The following IQANK1 variants were observed in gnomAD, a reference collection of about 807,000 sequenced individuals.
The protein encoded by IQANK1 is IQ motif and ankyrin repeat containing 1.
Under a neutral mutation model 22.6 loss-of-function variants are expected in IQANK1, and 30 were observed. The observed-to-expected ratio is 1.33, with a 90% CI of 0.99 to 1.80. IQANK1 has a LOEUF of 1.80. IQANK1 is among the 40% of genes most tolerant of loss of function. The pLI, the probability that IQANK1 is intolerant of heterozygous loss-of-function variation, is 0.00. For synonymous variants in IQANK1, 122 were observed against 99.6 expected (o/e 1.23, Z -1.34); for missense variants, 275 against 235.2 (o/e 1.17, Z -1.11).
In IQANK1 at chr8:143,758,043, G is replaced by C. The variant is rs1206798813; in HGVS notation, c.176-13445G>C. ...CAAGACAATAAAGATCTCTGGATTA[G>C]ATTACCTCAGAGAGTGGTAGCACTG... On this transcript the variant is annotated intron_variant, in intron 3 of 13. Coordinates refer to ENST00000527139, the MANE Select transcript of IQANK1 (RefSeq NM_001381874.1). This position sits in a 1 kb window ranked among gnomAD's most constrained non-coding sequence, Gnocchi z 4.2. The C allele has an allele frequency of 1.3e-5, 2 of 152,218 alleles. No homozygotes were observed. Among genetic ancestry groups the C allele is most frequent in the Non-Finnish European group, 2.9e-5 (2 of 68,046 alleles). 9.4% of individuals were successfully genotyped at this position (152,218 alleles called of 1,614,324 possible).
chr8:143,780,513 T>C (rs1381052123), intron 7 of IQANK1, among the ~76,000 whole-genome samples: 3 of 152,090 alleles, frequency 2.0e-5, no homozygotes, highest in Non-Finnish European at 2.9e-5. Flanking sequence ...ATCTGTTGTT[T>C]CCTTCTTTGT....
At chr8:143,744,078 C>T (rs1818980728) in intron 3 of IQANK1, 1 of 241,512 alleles carries the variant, frequency 4.1e-6, no homozygotes, top group South Asian at 4.1e-5. Context: ...GTGATCCGCC[C>T]GTCTCAGCCT....
In IQANK1 at chr8:143,747,368, ATC is replaced by A. The variant is rs1221913498; in HGVS notation, c.175+7424_175+7425del. ...TGTTTTTATATTCTCTATTTTGTCT[ATC>A]TCTAATCTTTATTATTTCCTTCCTT... On this transcript the variant is annotated intron_variant, in intron 3 of 13. Coordinates refer to ENST00000527139, the MANE Select transcript of IQANK1 (RefSeq NM_001381874.1). Among the ~76,000 whole-genome samples, 8 of 152,030 alleles carry A rather than the reference ATC, an allele frequency of 5.3e-5. No individual in the cohort carries two copies. The South Asian group carries it at 1.7e-3, about 32-fold the overall frequency.
intron 3 of IQANK1, among the ~76,000 whole-genome samples, chr8:143,748,980 A>G (rs1819118650): frequency 8.9e-6 from 1 of 112,870 alleles, no homozygotes; most frequent in Non-Finnish European, 1.7e-5. Flanking sequence ...ATATAAATAT[A>G]TCATATATAA....
In IQANK1 at chr8:143,735,839, C is replaced by T. The variant is rs1424227391; in HGVS notation, c.-4-11C>T. The T allele has an allele frequency of 2.8e-6, 2 of 702,580 alleles. No homozygotes were observed. The highest frequency in any genetic ancestry group is 5.4e-5 in the East Asian group (2 of 37,272). The allele number at this position is 702,580 out of a possible 1,614,324, so 43.5% of individuals were successfully genotyped here. ...CACCCTCTCCCTGGTCCTTCCCTAC[C>T]CACCCCCCAGGAGAATGGACAGTAA... On this transcript the variant is annotated splice_polypyrimidine_tract_variant and intron_variant, in intron 1 of 13. Transcript: ENST00000527139. The surrounding 1 kb of genome is among the most constrained non-coding windows in gnomAD (Gnocchi z 5.2).
intron 3 of IQANK1, 24 bp downstream of exon 3, chr8:143,739,972 C>T: frequency 1.5e-6 from 1 of 680,388 alleles, no homozygotes; most frequent in Non-Finnish European, 2.7e-6. Context: ...CGTCCCGCGC[C>T]GCTGTGGGTG....
chr8:143,759,078 G>A (rs1232183694), intron 3 of IQANK1: 16 of 289,954 alleles, frequency 5.5e-5, no homozygotes, highest in African/African-American at 2.3e-4. Flanking sequence ...GCATTTGGCC[G>A]GACATGACTC....
At chr8:143,781,186 A>C (rs1554630903) in intron 7 of IQANK1, among the ~76,000 whole-genome samples, 1 of 151,986 alleles carries the variant, frequency 6.6e-6, no homozygotes, top group Non-Finnish European at 1.5e-5. Context: ...TTCTCTTGTA[A>C]GTTTGTATAA....
intron 7 of IQANK1, among the ~76,000 whole-genome samples, chr8:143,785,184 C>T (rs2129948632): frequency 6.6e-6 from 1 of 150,988 alleles, no homozygotes; most frequent in Admixed American, 6.6e-5. Flanking sequence ...GGAGCTATTT[C>T]TATCATTTGT....
At chr8:143,748,469 A>G (rs1032638923) in intron 3 of IQANK1, among the ~76,000 whole-genome samples, 1 of 141,082 alleles carries the variant, frequency 7.1e-6, no homozygotes, top group Non-Finnish European at 1.5e-5. Context: ...AATATACATG[A>G]TATATAATAT....
chr8:143,766,802 G>A (rs140482518), intron 3 of IQANK1, among the ~76,000 whole-genome samples: 1 of 152,240 alleles, frequency 6.6e-6, no homozygotes, highest in East Asian at 1.9e-4. Context: ...GATCTTCAAC[G>A]AGCTTTATGG....
At chr8:143,789,550 G>C in intron 10 of IQANK1, 22 bp downstream of exon 10, 2 of 1,232,162 alleles carry the variant, frequency 1.6e-6, no homozygotes, top group Non-Finnish European at 2.0e-6. Flanking sequence ...TGGTGGACTT[G>C]ATATGCCCCT....
chr8:143,756,258 A>T (rs1256674261), intron 3 of IQANK1, among the ~76,000 whole-genome samples: 4 of 152,198 alleles, frequency 2.6e-5, no homozygotes, highest in Non-Finnish European at 4.4e-5. Flanking sequence ...CAAAGTGGAC[A>T]ACACAATTCA....
rs61709186 is a variant in IQANK1 at position 143,774,177 on chromosome 8, C to CA, written c.789+1710dup. The stretch of plus-strand genomic sequence containing the variant: ...TGGACATGACACAAAAAGCACAATC[C>CA]AAAAAAAAAAAAAAACCACATTGAT... On this transcript the variant is annotated intron_variant, in intron 7 of 13. Coordinates refer to ENST00000527139, the MANE Select transcript of IQANK1 (RefSeq NM_001381874.1). The surrounding 1 kb of genome is among the most constrained non-coding windows in gnomAD (Gnocchi z 4.2). 8.4e-3 allele frequency among the ~76,000 whole-genome samples: 1,144 copies of CA among 136,492 alleles called. 15 individuals are homozygous for CA. The highest frequency in any genetic ancestry group is 0.03 in the African/African-American group (1,066 of 35,818). 89.5% of individuals were successfully genotyped at this position (136,492 alleles called of 152,430 possible).
chr8:143,750,327 G>A (rs1490409032), intron 3 of IQANK1, among the ~76,000 whole-genome samples: 4 of 152,112 alleles, frequency 2.6e-5, no homozygotes, highest in African/African-American at 9.7e-5. Flanking sequence ...ATTTAAAAAT[G>A]TATTTTGTCT....
rs1554629793 is a variant in IQANK1, at chr8:143,771,712, C to T, written c.307-89C>T. 4 of 397,228 alleles carry T rather than the reference C, an allele frequency of 1.0e-5. No individual in the cohort carries two copies. In the Admixed American group the frequency reaches 1.3e-4, roughly 13 times the overall value. The allele number at this position is 397,228 out of a possible 1,614,324, so 24.6% of individuals were successfully genotyped here. On this transcript the variant is annotated intron_variant, in intron 4 of 13. Transcript: ENST00000527139. This position sits in a 1 kb window ranked among gnomAD's most constrained non-coding sequence, Gnocchi z 6.0. The stretch of plus-strand genomic sequence containing the variant: ...TGCGTGGTGGGGGTGAGGCTCAGAT[C>T]GGGCTCCGACCTCAGAGGCGTGGAC...
chr8:143,738,142 C>A (rs1818793740), intron 2 of IQANK1, among the ~76,000 whole-genome samples: 1 of 152,134 alleles, frequency 6.6e-6, no homozygotes, highest in Admixed American at 6.5e-5. Context: ...GGGGCGGGGG[C>A]TCGACCTCAG....
chr8:143,788,170 C>T, intron 7 of IQANK1, among the ~76,000 whole-genome samples: 1 of 152,232 alleles, frequency 6.6e-6, no homozygotes. Context: ...CAGGAAGGGG[C>T]AAGTGGCATT....
chr8:143,778,854 C>T (rs879962538), intron 7 of IQANK1, among the ~76,000 whole-genome samples: 4 of 152,186 alleles, frequency 2.6e-5, no homozygotes, highest in Admixed American at 6.5e-5. Flanking sequence ...CTCTGCCTCC[C>T]GGGTTTATGC....
Sources: gnomAD v4.1 joint callset for allele counts (sites outside exome capture counted in the v4.1 genomes callset) on GRCh38, gnomAD v4.1.1 for gene constraint, Gnocchi (gnomAD v3.1) non-coding constraint, MANE v1.5 for transcripts, NCBI Gene and HGNC (gene_info 2026-07-23, HGNC 2026-07-21) for gene names.